Variants in ZFHX3 observed in about 807,000 individuals in gnomAD.
The protein encoded by ZFHX3 is zinc finger homeobox 3.
ZFHX3 carries 42 observed loss-of-function variants against 279.1 expected under a neutral mutation model. The observed-to-expected ratio is 0.15, with a 90% CI of 0.12 to 0.19. ZFHX3 has a LOEUF of 0.19. Ranked by LOEUF, ZFHX3 falls within the 10% of genes least tolerant of loss-of-function variation. The pLI, the probability that ZFHX3 is intolerant of heterozygous loss-of-function variation, is 1.00. For synonymous variants in ZFHX3, 2,293 were observed against 1,957.8 expected, an observed-to-expected ratio of 1.17 and a Z score of -4.52; for missense variants, 4,981 against 4,754.0, an observed-to-expected ratio of 1.05 and a Z score of -1.40.
At chr16:72,876,206 G>A (rs554888428) in intron 4 of ZFHX3, among the ~76,000 whole-genome samples, 1 of 152,336 alleles carries the variant, frequency 6.6e-6, no homozygotes, top group East Asian at 1.9e-4. Flanking sequence ...ATTTCATTGA[G>A]ATGGTAGGGG....
chr16:73,077,306 TA>T lies in ZFHX3; in HGVS notation c.-533+15928del, dbSNP rs1567658272. 2.6e-5 allele frequency among the ~76,000 whole-genome samples: 4 copies of T among 152,322 alleles called. No individual in the cohort carries two copies. The South Asian group carries it at 8.3e-4, about 32-fold the overall frequency. ...TGACAGGACTTGTTCTGTCAAGTGATATAAGTTCCCAACACTGCATTCACTA... is the reference window on the plus strand; with the variant it reads ...TGACAGGACTTGTTCTGTCAAGTGATTAAGTTCCCAACACTGCATTCACTA... On this transcript the variant is annotated intron_variant, in intron 8 of 17. Coordinates refer to the ZFHX3 transcript ENST00000641206.
At chr16:73,084,934 T>G (rs1965993701) in intron 8 of ZFHX3, among the ~76,000 whole-genome samples, 1 of 152,172 alleles carries the variant, frequency 6.6e-6, no homozygotes, top group African/African-American at 2.4e-5. Context: ...CCCATGCTCA[T>G]GGATTGAAAG....
At chr16:73,426,491 A>G (rs540664315) in intron 3 of ZFHX3, among the ~76,000 whole-genome samples, 2 of 152,156 alleles carry the variant, frequency 1.3e-5, no homozygotes, top group East Asian at 3.9e-4. Context: ...AGAATTATGA[A>G]AACCATTCTC....
At chr16:73,448,493 A>C (rs2018225559) in intron 3 of ZFHX3, among the ~76,000 whole-genome samples, 1 of 152,202 alleles carries the variant, frequency 6.6e-6, no homozygotes, top group African/African-American at 2.4e-5. Context: ...GACAAGACTG[A>C]AAATAGAAAA....
At chr16:72,898,804 G>A (rs12596660) in intron 3 of ZFHX3, among the ~76,000 whole-genome samples, 12,431 of 150,138 alleles carry the variant, frequency 0.083, 689 homozygotes, top group East Asian at 0.21. Context: ...TGCTATGCAT[G>A]CATATGATGG....
intron 1 of ZFHX3, among the ~76,000 whole-genome samples, chr16:73,705,618 C>A (rs1196542578): frequency 6.6e-6 from 1 of 152,176 alleles, no homozygotes; most frequent in African/African-American, 2.4e-5. Flanking sequence ...GCTAGACATG[C>A]ATTTCCTCCA....
At chr16:73,000,345 GAACAA>G (rs1292693524) in intron 1 of ZFHX3, among the ~76,000 whole-genome samples, 2 of 152,196 alleles carry the variant, frequency 1.3e-5, no homozygotes, top group Non-Finnish European at 1.5e-5. Flanking sequence ...AGCCATCCGG[GAACAA>G]TGGTCTTTTC....
intron 1 of ZFHX3, among the ~76,000 whole-genome samples, chr16:73,017,552 G>T (rs544927736): frequency 1.3e-5 from 2 of 152,050 alleles, no homozygotes; most frequent in Non-Finnish European, 2.9e-5. Context: ...CTTGGCTGCC[G>T]TCACGACTAA....
chr16:73,357,653 GGA>G (rs572592702), intron 3 of ZFHX3, among the ~76,000 whole-genome samples: 62 of 152,288 alleles, frequency 4.1e-4, no homozygotes, highest in African/African-American at 1.3e-3. Flanking sequence ...GGTTCCCCTT[GGA>G]CCAGCAGACA....
chr16:73,433,299 A>G (rs1325399595), intron 3 of ZFHX3, among the ~76,000 whole-genome samples: 3 of 152,190 alleles, frequency 2.0e-5, no homozygotes, highest in African/African-American at 7.2e-5. Context: ...AATAGGAAGA[A>G]CACATGTTCC....
At chr16:73,565,155 G>A (rs760970419) in intron 2 of ZFHX3, among the ~76,000 whole-genome samples, 1 of 152,018 alleles carries the variant, frequency 6.6e-6, no homozygotes, top group African/African-American at 2.4e-5. Flanking sequence ...TCGGGAGGCT[G>A]AGACAGGAGA....
intron 3 of ZFHX3, among the ~76,000 whole-genome samples, chr16:73,344,799 G>A (rs2016094943): frequency 6.6e-6 from 1 of 152,160 alleles, no homozygotes; most frequent in African/African-American, 2.4e-5. Context: ...GTAAACTGCT[G>A]GGGAAGCTCG....
chr16:73,111,026 C>T (rs572455161), intron 7 of ZFHX3, among the ~76,000 whole-genome samples: 23 of 152,166 alleles, frequency 1.5e-4, no homozygotes, highest in East Asian at 5.8e-4. Flanking sequence ...CTGCAACCTC[C>T]GGCTCCTGAG....
intron 4 of ZFHX3, among the ~76,000 whole-genome samples, chr16:72,866,389 C>T (rs1460415443): frequency 1.3e-5 from 2 of 152,188 alleles, no homozygotes; most frequent in Non-Finnish European, 2.9e-5. Context: ...AATTGAGGCT[C>T]AAGAAGGGTG....
chr16:73,385,109 T>A (rs536591996), intron 3 of ZFHX3, among the ~76,000 whole-genome samples: 1 of 152,274 alleles, frequency 6.6e-6, no homozygotes, highest in East Asian at 1.9e-4. Context: ...AGGGGACAGT[T>A]CCAAGCAACA....
Position 72,787,015 on chromosome 16 carries a change from C to T in ZFHX3, c.*149G>A, listed in dbSNP as rs1201876447. On this transcript the variant is annotated 3_prime_UTR_variant, in exon 10 of 10. Coordinates refer to ENST00000268489, the MANE Select transcript of ZFHX3 (RefSeq NM_006885.4). ...CGGCATAGATAGGTATATGGGAAAACAACCCACGCTTTTTCTTTTTTTTCT... is the reference window on the plus strand; with the variant it reads ...CGGCATAGATAGGTATATGGGAAAATAACCCACGCTTTTTCTTTTTTTTCT... 1 of 877,090 alleles carries T rather than the reference C, an allele frequency of 1.1e-6. No individual in the cohort carries two copies. Among genetic ancestry groups the T allele is most frequent in the African/African-American group, 1.9e-5 (1 of 52,788 alleles). The allele number at this position is 877,090 out of a possible 1,614,324, so 54.3% of individuals were successfully genotyped here.
intron 5 of ZFHX3, among the ~76,000 whole-genome samples, chr16:73,230,863 G>A (rs1043540759): frequency 6.6e-6 from 1 of 152,212 alleles, no homozygotes; most frequent in Non-Finnish European, 1.5e-5. Flanking sequence ...GCTGCTGGCT[G>A]ATAAAGCAGA....
At chr16:73,681,751 A>G (rs566949754) in intron 1 of ZFHX3, among the ~76,000 whole-genome samples, 39 of 152,234 alleles carry the variant, frequency 2.6e-4, no homozygotes, top group Non-Finnish European at 5.0e-4. Context: ...TGGTTTTTAC[A>G]GTATTTTGTA....
At chr16:73,778,980 T>C (rs1455216777) in intron 1 of ZFHX3, among the ~76,000 whole-genome samples, 1 of 152,198 alleles carries the variant, frequency 6.6e-6, no homozygotes. Flanking sequence ...AAGCTAAAAC[T>C]GTTTTCTCTG....
Sources: gnomAD v4.1 joint callset for allele counts (sites outside exome capture counted in the v4.1 genomes callset) on GRCh38, gnomAD v4.1.1 for gene constraint, MANE v1.5 for transcripts, NCBI Gene and HGNC (gene_info 2026-07-23, HGNC 2026-07-21) for gene names.